PLXNC1: variants seen among roughly 807,000 people sequenced by gnomAD.
PLXNC1 encodes the protein plexin C1.
Under a neutral mutation model 178.2 loss-of-function variants are expected in PLXNC1, and 75 were observed. That is an observed-to-expected ratio of 0.42 (90% confidence interval 0.35 to 0.51). The LOEUF is 0.51. Ranked by LOEUF, PLXNC1 falls within the 20% of genes least tolerant of loss-of-function variation. The probability of loss-of-function intolerance (pLI) is 0.02; values close to 1 mark genes in which losing one functional copy is unlikely to be tolerated. For missense variants in PLXNC1, 1,503 were observed against 1,984.4 expected (o/e 0.76, Z 4.61); for synonymous variants, 790 against 779.9 (o/e 1.01, Z -0.22).
chr12:94,279,731 C>G, intron 22 of PLXNC1, 82 bp downstream of exon 22: 1 of 1,206,640 alleles, frequency 8.3e-7, no homozygotes, highest in Non-Finnish European at 1.2e-6. Context: ...TCCCCCCTCC[C>G]TGCCCCCACC....
intron 2 of PLXNC1, among the ~76,000 whole-genome samples, chr12:94,169,765 T>G (rs1391370340): frequency 3.9e-5 from 6 of 151,974 alleles, no homozygotes; most frequent in African/African-American, 1.4e-4. Flanking sequence ...ACAGAGGGGG[T>G]TTGTTTTTTG....
At chr12:94,182,980 G>A (rs1056064412) in intron 3 of PLXNC1, among the ~76,000 whole-genome samples, 5 of 152,078 alleles carry the variant, frequency 3.3e-5, no homozygotes, top group Non-Finnish European at 7.4e-5. Flanking sequence ...TAAAGCCTCT[G>A]ATAAATGATA....
At chr12:94,267,079 G>T (rs1965283092) in intron 21 of PLXNC1, among the ~76,000 whole-genome samples, 3 of 152,164 alleles carry the variant, frequency 2.0e-5, no homozygotes. Flanking sequence ...GCTGATCCTG[G>T]GCTTGTTATT....
intron 21 of PLXNC1, among the ~76,000 whole-genome samples, chr12:94,274,176 A>AAG (rs1277650938): frequency 4.7e-5 from 7 of 149,676 alleles, no homozygotes; most frequent in African/African-American, 1.7e-4. Context: ...AAAAAAAAAA[A>AAG]AAAAAAAAAA....
At chr12:94,182,301 C>T (rs1962336820) in intron 3 of PLXNC1, among the ~76,000 whole-genome samples, 1 of 151,788 alleles carries the variant, frequency 6.6e-6, no homozygotes, top group Admixed American at 6.6e-5. Context: ...GCCTGTCACC[C>T]CAGCACTTTG....
chr12:94,185,568 G>A, intron 3 of PLXNC1, among the ~76,000 whole-genome samples: 1 of 152,158 alleles, frequency 6.6e-6, no homozygotes, highest in Non-Finnish European at 1.5e-5. Flanking sequence ...CCCTCTTTGT[G>A]GGCTGCTGTT....
At chr12:94,202,503 A>G (rs1318978495) in intron 4 of PLXNC1, among the ~76,000 whole-genome samples, 1 of 152,230 alleles carries the variant, frequency 6.6e-6, no homozygotes, top group Non-Finnish European at 1.5e-5. Flanking sequence ...GAGTAGGAGC[A>G]TGTGTAAATG....
chr12:94,300,795 A>G (rs1968389425), intron 27 of PLXNC1, 115 bp from the exon 28 acceptor site: 4 of 830,806 alleles, frequency 4.8e-6, no homozygotes, highest in Admixed American at 2.7e-5. Flanking sequence ...TTGGCTAAGC[A>G]GAGTTGTATA....
intron 1 of PLXNC1, among the ~76,000 whole-genome samples, chr12:94,152,281 G>A (rs1306174503): frequency 6.6e-6 from 1 of 152,208 alleles, no homozygotes; most frequent in Non-Finnish European, 1.5e-5. Flanking sequence ...ATGAAAAAGG[G>A]TGGTAGTTTT....
intron 8 of PLXNC1, 55 bp from the exon 9 acceptor site, chr12:94,227,094 G>T: frequency 9.0e-7 from 1 of 1,105,250 alleles, no homozygotes; most frequent in Non-Finnish European, 1.4e-6. Flanking sequence ...TATGTTTGTT[G>T]CACACTTTGA....
At chr12:94,292,640 AC>A (rs1967454711) in intron 23 of PLXNC1, among the ~76,000 whole-genome samples, 1 of 152,194 alleles carries the variant, frequency 6.6e-6, no homozygotes, top group African/African-American at 2.4e-5. Context: ...TAGTGACAGG[AC>A]CCATGTTTAA....
intron 21 of PLXNC1, among the ~76,000 whole-genome samples, chr12:94,275,716 G>A (rs973761941): frequency 7.7e-6 from 1 of 129,602 alleles, no homozygotes; most frequent in Non-Finnish European, 1.6e-5. Flanking sequence ...TTAGCCGGGC[G>A]TAGTGGCGGG....
intron 11 of PLXNC1, among the ~76,000 whole-genome samples, chr12:94,242,471 C>A (rs80298059): frequency 2.2e-4 from 34 of 151,966 alleles, no homozygotes; most frequent in Non-Finnish European, 3.5e-4. Context: ...ATAAGGACAT[C>A]GGTCATGTTG....
chr12:94,193,831 G>A (rs1419246970), intron 4 of PLXNC1, among the ~76,000 whole-genome samples: 4 of 152,188 alleles, frequency 2.6e-5, no homozygotes, highest in Non-Finnish European at 5.9e-5. Context: ...TGTAGAAGGA[G>A]TGGCCTGTTT....
In PLXNC1 at chr12:94,169,281, C is replaced by A. The variant is rs1028444675; in HGVS notation, c.1191C>A (p.Gly397=). Residue 397 remains glycine, a synonymous_variant, in exon 2 of 31, where the codon GGC becomes GGA. Coordinates refer to ENST00000258526, the MANE Select transcript of PLXNC1 (RefSeq NM_005761.3). ...RTVLFLGTGD[G]QLLKVILGEN... Reference sequence around the variant, plus strand: ...TTTTATTCTTGGGGACTGGAGATGGCCAGTTACTTAAGGTTGGTTTTCTGT... The same window carrying A: ...TTTTATTCTTGGGGACTGGAGATGGACAGTTACTTAAGGTTGGTTTTCTGT... The A allele has an allele frequency of 6.2e-7, 1 of 1,613,444 alleles. No individual in the cohort carries two copies. The highest frequency in any genetic ancestry group is 1.3e-5 in the African/African-American group (1 of 74,824).
chr12:94,178,535 C>T (rs1222708772), intron 2 of PLXNC1, among the ~76,000 whole-genome samples: 12 of 152,200 alleles, frequency 7.9e-5, no homozygotes. Flanking sequence ...TGAATCTGAG[C>T]TGATTAATAC....
intron 4 of PLXNC1, among the ~76,000 whole-genome samples, chr12:94,190,707 C>T (rs1447448993): frequency 6.6e-6 from 1 of 152,228 alleles, no homozygotes; most frequent in Non-Finnish European, 1.5e-5. Context: ...GGCCTGCATA[C>T]CAGGCTTTCC....
At chr12:94,165,087 C>T (rs1208201140) in intron 1 of PLXNC1, among the ~76,000 whole-genome samples, 1 of 152,140 alleles carries the variant, frequency 6.6e-6, no homozygotes, top group African/African-American at 2.4e-5. Flanking sequence ...ACATAATAAA[C>T]TAGACAGAAT....
intron 1 of PLXNC1, among the ~76,000 whole-genome samples, chr12:94,160,546 T>G (rs999597493): frequency 6.6e-6 from 1 of 152,188 alleles, no homozygotes; most frequent in African/African-American, 2.4e-5. Flanking sequence ...GAGGCTCCTT[T>G]CTCTATCATT....
Sources: gnomAD v4.1 joint callset for allele counts (sites outside exome capture counted in the v4.1 genomes callset) on GRCh38, gnomAD v4.1.1 for gene constraint, MANE v1.5 for transcripts, NCBI Gene and HGNC (gene_info 2026-07-23, HGNC 2026-07-21) for gene names.